Variants in AGMO observed in about 807,000 individuals in gnomAD.
AGMO encodes alkylglycerol monooxygenase, also known as glyceryl-ether monooxygenase.
A neutral mutation model predicts 60.2 loss-of-function variants in AGMO; 75 were observed. That is an observed-to-expected ratio of 1.25 (90% confidence interval 1.03 to 1.51). The LOEUF (loss-of-function observed/expected upper bound fraction) is 1.51. AGMO is among the 40% of genes most tolerant of loss of function. The pLI is 0.00. For synonymous variants in AGMO, 261 were observed against 177.1 expected, an observed-to-expected ratio of 1.47 and a Z score of -3.76; for missense variants, 763 against 525.5, an observed-to-expected ratio of 1.45 and a Z score of -4.42.
At chr7:15,170,782 GACAGATAC>G in the AGMO span, among the ~76,000 whole-genome samples, 2 of 152,020 alleles carry the variant, frequency 1.3e-5, no homozygotes, top group African/African-American at 2.4e-5. Flanking sequence ...TCCTATTTCA[GACAGATAC>G]ATTCTATGTA....
chr7:15,391,736 T>A (rs889062197), intron 6 of AGMO, among the ~76,000 whole-genome samples: 1 of 152,170 alleles, frequency 6.6e-6, no homozygotes, highest in Admixed American at 6.5e-5. Flanking sequence ...CGTTGCTATA[T>A]ACATGCTTTA....
intron 12 of AGMO, among the ~76,000 whole-genome samples, chr7:15,231,090 T>C (rs889899357): frequency 6.6e-5 from 10 of 152,214 alleles, no homozygotes; most frequent in Admixed American, 1.3e-4. Context: ...CAAGTTCATT[T>C]TCAATTTAGA....
At chr7:15,387,356 G>C (rs538585687) in intron 9 of AGMO, 50 bp downstream of exon 9, 8 of 1,592,088 alleles carry the variant, frequency 5.0e-6, no homozygotes, top group Non-Finnish European at 6.8e-6. Flanking sequence ...CTGTAGACCT[G>C]ACAATATGAG....
At chr7:15,469,734 G>A (rs920110901) in intron 3 of AGMO, among the ~76,000 whole-genome samples, 1 of 152,136 alleles carries the variant, frequency 6.6e-6, no homozygotes, top group Non-Finnish European at 1.5e-5. Flanking sequence ...TATTAAAGGA[G>A]ATAGAGAATA....
At chr7:15,397,334 C>A (rs951608503) in intron 5 of AGMO, among the ~76,000 whole-genome samples, 1 of 151,724 alleles carries the variant, frequency 6.6e-6, no homozygotes, top group Non-Finnish European at 1.5e-5. Flanking sequence ...GCCCGGAACC[C>A]GAGCCGGCCC....
chr7:15,255,551 G>C (rs1019911204), intron 12 of AGMO, among the ~76,000 whole-genome samples: 1 of 116,424 alleles, frequency 8.6e-6, no homozygotes, highest in African/African-American at 3.5e-5. Flanking sequence ...AAAAAAAAAA[G>C]AAAGAAAGAA....
chr7:15,394,489 C>T (rs1784289993), intron 5 of AGMO, among the ~76,000 whole-genome samples: 1 of 152,164 alleles, frequency 6.6e-6, no homozygotes. Context: ...GTTTTCATAT[C>T]TCAATTTTCT....
the AGMO span, among the ~76,000 whole-genome samples, chr7:15,171,227 T>C: frequency 1.3e-5 from 2 of 152,184 alleles, no homozygotes; most frequent in African/African-American, 2.4e-5. Flanking sequence ...GTGATCCACC[T>C]GCCTCAGCCT....
chr7:15,509,477 A>C (rs528434233), intron 3 of AGMO, among the ~76,000 whole-genome samples: 8 of 152,146 alleles, frequency 5.3e-5, no homozygotes, highest in Non-Finnish European at 8.8e-5. Flanking sequence ...AACTGTAAAA[A>C]TACCAGAAGA....
intron 12 of AGMO, among the ~76,000 whole-genome samples, chr7:15,312,971 G>A (rs1343715841): frequency 1.3e-5 from 2 of 152,050 alleles, no homozygotes; most frequent in African/African-American, 4.8e-5. Flanking sequence ...ATGCAGCCAA[G>A]AATTTCTGAA....
chr7:15,297,837 G>A (rs568218248), intron 12 of AGMO, among the ~76,000 whole-genome samples: 29 of 152,078 alleles, frequency 1.9e-4, no homozygotes, highest in Non-Finnish European at 4.0e-4. Context: ...AATGAGGTTT[G>A]TATAAAGAAT....
Position 15,390,914 on chromosome 7 carries a change from C to T in AGMO, c.677-9G>A, listed in dbSNP as rs757009256. ...GCAATAACGATTTCTGCCTATGAGA[C>T]AAAATATTAGAAATTTTTTTTCAGA... On this transcript the variant is annotated splice_polypyrimidine_tract_variant and intron_variant, in intron 6 of 12. Coordinates refer to ENST00000342526, the MANE Select transcript of AGMO (RefSeq NM_001004320.2). 9 of 1,561,532 alleles carry T rather than the reference C, an allele frequency of 5.8e-6. No individual in the cohort carries two copies. The African/African-American group carries it at 9.6e-5, about 17-fold the overall frequency.
At chr7:15,560,464 A>G (rs1218964105) in intron 1 of AGMO, among the ~76,000 whole-genome samples, 193 bp from the exon 2 acceptor site, 1 of 152,164 alleles carries the variant, frequency 6.6e-6, no homozygotes, top group Non-Finnish European at 1.5e-5. Context: ...TACACTAAAC[A>G]TGTGCTCAAA....
chr7:15,343,709 C>T (rs769272162), intron 12 of AGMO, among the ~76,000 whole-genome samples: 1 of 152,106 alleles, frequency 6.6e-6, no homozygotes, highest in Non-Finnish European at 1.5e-5. Context: ...TTTCAGCTTA[C>T]ATTTTGCTGT....
At chr7:15,333,574 A>ACT (rs1781563063) in intron 12 of AGMO, among the ~76,000 whole-genome samples, 1 of 150,244 alleles carries the variant, frequency 6.7e-6, no homozygotes, top group Non-Finnish European at 1.5e-5. Context: ...ATTACTTGAT[A>ACT]CTCTCTATAG....
the AGMO span, among the ~76,000 whole-genome samples, chr7:15,159,741 T>C: frequency 6.6e-6 from 1 of 152,170 alleles, no homozygotes; most frequent in African/African-American, 2.4e-5. Context: ...CTTTGCTAAT[T>C]TGTGAATTCT....
intron 2 of AGMO, among the ~76,000 whole-genome samples, chr7:15,546,409 A>G (rs944250245): frequency 6.6e-6 from 1 of 152,214 alleles, no homozygotes; most frequent in Admixed American, 6.5e-5. Flanking sequence ...TCCTGTACCC[A>G]TACCACATTG....
intron 3 of AGMO, among the ~76,000 whole-genome samples, chr7:15,514,463 T>G (rs1330598003): frequency 6.6e-6 from 1 of 152,206 alleles, no homozygotes; most frequent in African/African-American, 2.4e-5. Flanking sequence ...CGTTGAGAGA[T>G]ATATAGTATT....
At chr7:15,321,250 T>A (rs1313558498) in intron 12 of AGMO, among the ~76,000 whole-genome samples, 1 of 152,120 alleles carries the variant, frequency 6.6e-6, no homozygotes, top group Non-Finnish European at 1.5e-5. Context: ...CATACATACG[T>A]ATATAGATAG....
Sources: gnomAD v4.1 joint callset for allele counts (sites outside exome capture counted in the v4.1 genomes callset) on GRCh38, gnomAD v4.1.1 for gene constraint, MANE v1.5 for transcripts, NCBI Gene and HGNC (gene_info 2026-07-23, HGNC 2026-07-21) for gene names.